The following PBLD variants were observed in gnomAD, a reference collection of about 807,000 sequenced individuals.
PBLD encodes the protein phenazine biosynthesis like protein domain containing.
PBLD carries 26 observed loss-of-function variants against 31.3 expected under a neutral mutation model. The observed-to-expected ratio is 0.83, with a 90% confidence interval of 0.61 to 1.15. The LOEUF is 1.15. Among genes scored for constraint, PBLD ranks in the 50% most tolerant of loss-of-function variants. The pLI is 0.00. For missense variants in PBLD, 307 were observed against 351.7 expected (o/e 0.87, Z 1.02); for synonymous variants, 114 against 129.0 (o/e 0.88, Z 0.79).
intron 1 of PBLD, among the ~76,000 whole-genome samples, chr10:68,319,798 T>A (rs1344398791): frequency 6.6e-6 from 1 of 151,384 alleles, no homozygotes; most frequent in African/African-American, 2.4e-5. Context: ...TTAATTTTTA[T>A]TTTTTATTTA....
At chr10:68,303,967 T>TGTAA (rs946341885) in intron 2 of PBLD, among the ~76,000 whole-genome samples, 1 of 152,234 alleles carries the variant, frequency 6.6e-6, no homozygotes, top group African/African-American at 2.4e-5. Flanking sequence ...TGGGTTTACA[T>TGTAA]GCCCATTTTC....
At chr10:68,312,034 A>AT (rs1180148669) in intron 1 of PBLD, among the ~76,000 whole-genome samples, 1 of 152,250 alleles carries the variant, frequency 6.6e-6, no homozygotes, top group African/African-American at 2.4e-5. Context: ...AAGTCAAAAA[A>AT]TTGTAAGTCA....
At position 68,289,031 on chromosome 10, in the gene PBLD, G is replaced by T; in HGVS notation, c.424-12C>A. ...TTGCCTATGGCAGTCTGTGGAGACA[G>T]ACCAAAAACTCCTCAGGGACATGCC... On this transcript the variant is annotated splice_polypyrimidine_tract_variant and intron_variant, in intron 6 of 9. Coordinates refer to ENST00000358769, the MANE Select transcript of PBLD (RefSeq NM_022129.4). 2 of 1,606,992 alleles carry T rather than the reference G, an allele frequency of 1.2e-6. No individual in the cohort carries two copies. The highest frequency in any genetic ancestry group is 1.1e-5 in the South Asian group (1 of 90,794).
intron 1 of PBLD, among the ~76,000 whole-genome samples, chr10:68,312,398 C>T (rs1192708774): frequency 6.6e-6 from 1 of 152,066 alleles, no homozygotes; most frequent in African/African-American, 2.4e-5. Flanking sequence ...TAAGTGATAT[C>T]TCATTGTGGT....
chr10:68,285,713 C>G (rs2044278439), intron 8 of PBLD, among the ~76,000 whole-genome samples: 1 of 151,816 alleles, frequency 6.6e-6, no homozygotes, highest in African/African-American at 2.4e-5. Context: ...CAGTCTTGCT[C>G]TGTTGTCCAG....
intron 1 of PBLD, among the ~76,000 whole-genome samples, chr10:68,308,845 G>GTTGTGTGTGT (rs1554859233): frequency 7.7e-6 from 1 of 130,360 alleles, no homozygotes; most frequent in African/African-American, 2.9e-5. Flanking sequence ...TGACCTGCAT[G>GTTGTGTGTGT]GTGTGTGTGT....
intron 8 of PBLD, among the ~76,000 whole-genome samples, chr10:68,286,520 G>T (rs2044290674): frequency 2.0e-5 from 3 of 151,932 alleles, no homozygotes; most frequent in Admixed American, 2.0e-4. Context: ...AAATTTTTCT[G>T]TAGAGACGTG....
intron 1 of PBLD, chr10:68,331,953 C>T (rs1295923652): frequency 6.6e-6 from 1 of 152,386 alleles, no homozygotes; most frequent in Non-Finnish European, 1.5e-5. Flanking sequence ...CTGCGTGCCG[C>T]CAGCGCCATG....
At chr10:68,319,053 G>GAGAGAGAAAGAA (rs1431193816) in intron 1 of PBLD, among the ~76,000 whole-genome samples, 17 of 98,834 alleles carry the variant, frequency 1.7e-4, no homozygotes, top group Admixed American at 2.5e-4. Flanking sequence ...AAGAAAGAGA[G>GAGAGAGAAAGAA]AGAAAGAAAG....
chr10:68,310,853 T>G lies in PBLD; in HGVS notation c.-59-3950A>C, dbSNP rs1323882591. 2.2e-5 allele frequency among the ~76,000 whole-genome samples: 3 copies of G among 137,784 alleles called. No individual in the cohort carries two copies. The Admixed American group carries it at 2.4e-4, about 11-fold the overall frequency. 90.4% of individuals were successfully genotyped at this position (137,784 alleles called of 152,430 possible). A position where few individuals can be genotyped will look rare whatever the true frequency, so the allele number is the denominator to read the frequency against. The stretch of plus-strand genomic sequence containing the variant: ...CTCCTCTACTTTTGATGGGGTTACA[T>G]CTCAATAAACCCATCATAAGTTAAA... On this transcript the variant is annotated intron_variant, in intron 1 of 9. Transcript: ENST00000358769.
At chr10:68,288,408 A>T (rs2044314515) in intron 8 of PBLD, 75 bp downstream of exon 8, 2 of 1,481,038 alleles carry the variant, frequency 1.4e-6, no homozygotes, top group Admixed American at 2.0e-5. Flanking sequence ...AGGTCACAGG[A>T]AGTGCACTTA....
intron 1 of PBLD, among the ~76,000 whole-genome samples, chr10:68,311,226 A>G (rs576318579): frequency 6.6e-6 from 1 of 152,158 alleles, no homozygotes; most frequent in Admixed American, 6.6e-5. Context: ...AGGCAGGTGG[A>G]TCAAGTCAGG....
At chr10:68,301,196 A>C (rs2044501736) in intron 2 of PBLD, among the ~76,000 whole-genome samples, 1 of 152,104 alleles carries the variant, frequency 6.6e-6, no homozygotes, top group Non-Finnish European at 1.5e-5. Context: ...GCACCCGCCC[A>C]TTCTCTTGTT....
intron 1 of PBLD, among the ~76,000 whole-genome samples, chr10:68,320,824 T>TC (rs1251299967): frequency 6.7e-6 from 1 of 150,014 alleles, no homozygotes; most frequent in African/African-American, 2.5e-5. Flanking sequence ...CAACCCCCTT[T>TC]TTTTTTTTTT....
intron 1 of PBLD, among the ~76,000 whole-genome samples, chr10:68,329,925 C>T (rs2044988225): frequency 6.6e-6 from 1 of 152,086 alleles, no homozygotes; most frequent in Admixed American, 6.5e-5. Context: ...ACTGTGTGAC[C>T]TTGGGCAACT....
intron 1 of PBLD, among the ~76,000 whole-genome samples, chr10:68,320,626 T>C (rs2044819975): frequency 6.6e-6 from 1 of 152,146 alleles, no homozygotes. Flanking sequence ...AACAATATAT[T>C]GCTTTTTTAT....
At chr10:68,294,045 A>G (rs2044393842) in intron 4 of PBLD, among the ~76,000 whole-genome samples, 1 of 152,188 alleles carries the variant, frequency 6.6e-6, no homozygotes, top group Non-Finnish European at 1.5e-5. Context: ...TCAAGACTCA[A>G]TTCCTAAACA....
At chr10:68,322,316 C>T (rs1332981191) in intron 1 of PBLD, among the ~76,000 whole-genome samples, 1 of 151,914 alleles carries the variant, frequency 6.6e-6, no homozygotes, top group African/African-American at 2.4e-5. Context: ...AGAAAAAGGA[C>T]ATTAGGGGAA....
At position 68,285,381 on chromosome 10, in the gene PBLD, A is replaced by T; in HGVS notation, c.721T>A (p.Trp241Arg). The T allele has an allele frequency of 6.2e-7, 1 of 1,614,130 alleles. No homozygotes were observed. The highest frequency in any genetic ancestry group is 8.5e-7 in the Non-Finnish European group (1 of 1,180,008). ...TCTTTCTTCCCCAGATGCTGGGACC[A>T]GTAGCTGCTGAGAACAGCGTGTGCA... Reference protein sequence around the residue: ...GSAHAVLSSYWSQHLGKKEMH... With the variant: ...GSAHAVLSSYRSQHLGKKEMH... Residue 241 changes from tryptophan to arginine, a missense_variant, in exon 9 of 10, where the codon TGG becomes AGG. Coordinates refer to ENST00000358769, the MANE Select transcript of PBLD (RefSeq NM_022129.4).
Sources: gnomAD v4.1 joint callset for allele counts (sites outside exome capture counted in the v4.1 genomes callset) on GRCh38, gnomAD v4.1.1 for gene constraint, MANE v1.5 for transcripts, NCBI Gene and HGNC (gene_info 2026-07-23, HGNC 2026-07-21) for gene names.